The following SIK3 variants were observed in gnomAD, a reference collection of about 807,000 sequenced individuals.
The protein encoded by SIK3 is serine/threonine-protein kinase SIK3.
Under a neutral mutation model 144.2 loss-of-function variants are expected in SIK3, and 28 were observed. The observed-to-expected ratio is 0.19, with a 90% CI of 0.14 to 0.27. The LOEUF is 0.27. Ranked by LOEUF, SIK3 falls within the 10% of genes least tolerant of loss-of-function variation. The pLI, the probability that SIK3 is intolerant of heterozygous loss-of-function variation, is 1.00. For synonymous variants in SIK3, 686 were observed against 676.3 expected (o/e 1.01, Z -0.22); for missense variants, 1,319 against 1,776.0 (o/e 0.74, Z 4.62).
rs199538592 is a variant in SIK3 at position 116,982,434 on chromosome 11, G to A, written c.274-25370C>T. Among the ~76,000 whole-genome samples, 9 of 151,718 alleles carry A rather than the reference G, an allele frequency of 5.9e-5. No individual in the cohort carries two copies. The South Asian group carries it at 1.0e-3, about 18-fold the overall frequency. On this transcript the variant is annotated intron_variant, in intron 1 of 24. Transcript: ENST00000445177. ...CTCCCGAGTAGCTGGGATTACAGGC[G>A]CCTACCACTACGCCCAGCTAATTGT...
intron 4 of SIK3, among the ~76,000 whole-genome samples, chr11:116,899,747 T>C (rs1945638739): frequency 6.6e-6 from 1 of 152,160 alleles, no homozygotes; most frequent in African/African-American, 2.4e-5. Context: ...GTCTCTGGTG[T>C]AGAAATGCTT....
At chr11:117,087,946 T>C (rs1187523163) in intron 1 of SIK3, among the ~76,000 whole-genome samples, 2 of 152,150 alleles carry the variant, frequency 1.3e-5, no homozygotes, top group Non-Finnish European at 2.9e-5. Context: ...AAAACTGATG[T>C]TGGCCAGGCG....
chr11:116,875,363 T>C lies in SIK3; in HGVS notation c.1317+11A>G, dbSNP rs1944194231. On this transcript the variant is annotated intron_variant, in intron 10 of 24. Transcript: ENST00000445177. ...GGTTTCAGCTGACAGCTCCCACAGG[T>C]TGCTACTTGCCTCCACAATTTGGTT... 1.2e-6 allele frequency: 2 copies of C among 1,613,976 alleles called. No individual in the cohort carries two copies. The highest frequency in any genetic ancestry group is 1.3e-5 in the African/African-American group (1 of 74,922).
At chr11:117,072,270 C>A (rs1307193262) in intron 1 of SIK3, among the ~76,000 whole-genome samples, 1 of 152,090 alleles carries the variant, frequency 6.6e-6, no homozygotes, top group Non-Finnish European at 1.5e-5. Context: ...TGCCTGTAAT[C>A]CCAGCTACCA....
At chr11:116,973,143 G>A (rs1421975028) in intron 1 of SIK3, among the ~76,000 whole-genome samples, 1 of 152,168 alleles carries the variant, frequency 6.6e-6, no homozygotes, top group East Asian at 1.9e-4. Flanking sequence ...GAGACCCTGA[G>A]CAGAGGGCTC....
intron 3 of SIK3, among the ~76,000 whole-genome samples, chr11:116,943,890 T>C (rs1591387889): frequency 1.3e-5 from 2 of 151,630 alleles, no homozygotes; most frequent in South Asian, 4.2e-4. Flanking sequence ...ATTTCAGATT[T>C]TCTTGTAATC....
intron 3 of SIK3, among the ~76,000 whole-genome samples, chr11:116,932,773 G>A (rs920326517): frequency 6.6e-6 from 1 of 152,048 alleles, no homozygotes; most frequent in Non-Finnish European, 1.5e-5. Context: ...TACAGTCGGC[G>A]ACCTTTTGAG....
At chr11:117,091,559 C>T (rs1413878042) in intron 1 of SIK3, among the ~76,000 whole-genome samples, 1 of 152,146 alleles carries the variant, frequency 6.6e-6, no homozygotes, top group South Asian at 2.1e-4. Context: ...GTGGAGAAGA[C>T]AGAACTAGAA....
chr11:116,876,832 G>A (rs182669218), intron 7 of SIK3, 92 bp downstream of exon 7: 9 of 1,013,244 alleles, frequency 8.9e-6, no homozygotes, highest in African/African-American at 4.7e-5. Context: ...CCCAGTGTCC[G>A]CCTTTCAGGT....
At chr11:116,907,278 C>T (rs927187468) in intron 4 of SIK3, among the ~76,000 whole-genome samples, 1 of 152,202 alleles carries the variant, frequency 6.6e-6, no homozygotes, top group African/African-American at 2.4e-5. Flanking sequence ...CAAAATCCAG[C>T]CCCACATTGT....
Position 116,874,256 on chromosome 11 carries a change from C to T in SIK3, c.1428-200G>A, listed in dbSNP as rs371116365. Among the ~76,000 whole-genome samples the T allele has an allele frequency of 4.7e-4, 72 of 152,242 alleles. 1 individual carries two copies. Among genetic ancestry groups the T allele is most frequent in the African/African-American group, 1.6e-3 (66 of 41,526 alleles). ...CTCTCTGCTCCTTTACTATTTGGGA[C>T]GAAGGATTGCTATTCTTTATTGGCC... On this transcript the variant is annotated intron_variant, in intron 11 of 24. Coordinates refer to ENST00000445177, the MANE Select transcript of SIK3 (RefSeq NM_001366686.3).
At chr11:116,946,550 G>A (rs1048568082) in intron 3 of SIK3, among the ~76,000 whole-genome samples, 1 of 152,142 alleles carries the variant, frequency 6.6e-6, no homozygotes, top group African/African-American at 2.4e-5. Context: ...ACAGATCTTT[G>A]AGCTGTGGAG....
chr11:116,870,285 G>C, intron 14 of SIK3, 46 bp downstream of exon 14: 1 of 1,612,126 alleles, frequency 6.2e-7, no homozygotes, highest in Non-Finnish European at 8.5e-7. Context: ...GGTTGCAGGG[G>C]AGCCTGCCCA....
intron 1 of SIK3, among the ~76,000 whole-genome samples, chr11:117,039,246 A>T (rs1952642545): frequency 2.0e-5 from 3 of 152,224 alleles, no homozygotes; most frequent in South Asian, 4.1e-4. Flanking sequence ...TTCATATTAC[A>T]AACACCGAAA....
rs975462271 is a variant in SIK3, at chr11:116,956,221, G to C, written c.390+727C>G. Among the ~76,000 whole-genome samples the C allele has an allele frequency of 1.3e-4, 20 of 152,102 alleles. No individual in the cohort carries two copies. In the East Asian group the frequency reaches 3.1e-3, roughly 24 times the overall value. ...CTCTTTCACCAGCCTGCTAAGGCAA[G>C]GTCCTCTCCTCCTATCCCGCTTGAA... On this transcript the variant is annotated intron_variant, in intron 2 of 24. Coordinates refer to ENST00000445177, the MANE Select transcript of SIK3 (RefSeq NM_001366686.3).
intron 14 of SIK3, 58 bp from the exon 15 acceptor site, chr11:116,868,147 C>T (rs1943753738): frequency 6.5e-7 from 1 of 1,546,546 alleles, no homozygotes; most frequent in African/African-American, 1.4e-5. Context: ...TATTCCTCCA[C>T]AAGAAGCATT....
At chr11:117,045,168 A>G (rs1405767422) in intron 1 of SIK3, among the ~76,000 whole-genome samples, 1 of 152,232 alleles carries the variant, frequency 6.6e-6, no homozygotes, top group Non-Finnish European at 1.5e-5. Context: ...AGAATTGTTT[A>G]GAGAGGATTT....
chr11:116,933,673 CT>C (rs886127835), intron 3 of SIK3, among the ~76,000 whole-genome samples: 2 of 152,076 alleles, frequency 1.3e-5, no homozygotes, highest in African/African-American at 4.8e-5. Context: ...CAAGGTCTTG[CT>C]GTGTTGCCCA....
At chr11:117,085,441 T>G (rs61903417) in intron 1 of SIK3, among the ~76,000 whole-genome samples, 24,857 of 152,050 alleles carry the variant, frequency 0.16, 2,156 homozygotes, top group Admixed American at 0.21. Flanking sequence ...GGTTTGGTTT[T>G]GTTTGTTTGT....
Sources: allele counts gnomAD v4.1 joint callset (sites outside exome capture counted in the v4.1 genomes callset), GRCh38; gene constraint gnomAD v4.1.1; transcripts MANE v1.5; gene names NCBI Gene and HGNC (gene_info 2026-07-23, HGNC 2026-07-21).